The following SPAG16 variants were observed in gnomAD, a reference collection of about 807,000 sequenced individuals.
SPAG16 encodes sperm-associated antigen 16 protein.
In SPAG16, 86 loss-of-function variants were observed where a neutral mutation model predicts 80.4. That is an observed-to-expected ratio of 1.07 (90% CI 0.90 to 1.28). The LOEUF (loss-of-function observed/expected upper bound fraction) is 1.28. SPAG16 is among the 50% of genes most tolerant of loss of function. The pLI, the probability that SPAG16 is intolerant of heterozygous loss-of-function variation, is 0.00. For synonymous variants in SPAG16, 294 were observed against 265.9 expected (o/e 1.11, Z -1.03); for missense variants, 870 against 765.3 (o/e 1.14, Z -1.61).
At chr2:214,250,757 T>TATATATAGAGAGAGAGAG (rs1475343777) in intron 15 of SPAG16, among the ~76,000 whole-genome samples, 1 of 91,286 alleles carries the variant, frequency 1.1e-5, no homozygotes, top group African/African-American at 4.1e-5. Context: ...TATATATATA[T>TATATATAGAGAGAGAGAG]AGAGAGAGAG....
At chr2:213,488,762 G>A (rs947586488) in intron 9 of SPAG16, among the ~76,000 whole-genome samples, 2 of 152,036 alleles carry the variant, frequency 1.3e-5, no homozygotes, top group Non-Finnish European at 2.9e-5. Context: ...ATACGAATAT[G>A]TACTACTTTG....
intron 12 of SPAG16, among the ~76,000 whole-genome samples, chr2:213,950,698 CTTTCTTTT>C (rs1331080255): frequency 3.8e-5 from 2 of 52,408 alleles, no homozygotes; most frequent in African/African-American, 1.3e-4. Context: ...TTTCTTTTTT[CTTTCTTTT>C]TTTTTTTTTT....
chr2:213,773,845 C>A (rs2069408179), intron 10 of SPAG16, among the ~76,000 whole-genome samples: 1 of 152,166 alleles, frequency 6.6e-6, no homozygotes, highest in Non-Finnish European at 1.5e-5. Flanking sequence ...AGCCACCAAG[C>A]CTGGCCTAAT....
intron 15 of SPAG16, among the ~76,000 whole-genome samples, chr2:214,172,429 C>T (rs911665621): frequency 3.9e-5 from 6 of 152,080 alleles, no homozygotes; most frequent in African/African-American, 1.4e-4. Flanking sequence ...ATGAACTCAT[C>T]ACGTTTTATG....
intron 10 of SPAG16, among the ~76,000 whole-genome samples, chr2:213,647,055 A>G (rs1012755727): frequency 6.6e-6 from 1 of 152,228 alleles, no homozygotes; most frequent in Non-Finnish European, 1.5e-5. Flanking sequence ...TATGAAAAGA[A>G]AAGAAATGGA....
chr2:214,223,408 C>T (rs928007825), intron 15 of SPAG16, among the ~76,000 whole-genome samples: 4 of 151,544 alleles, frequency 2.6e-5, no homozygotes, highest in East Asian at 1.9e-4. Flanking sequence ...TTTCTGAATA[C>T]GTATAGCATA....
chr2:214,114,157 C>T (rs2053816847), intron 14 of SPAG16, among the ~76,000 whole-genome samples: 1 of 152,166 alleles, frequency 6.6e-6, no homozygotes, highest in Admixed American at 6.5e-5. Context: ...CCAGCAGAGG[C>T]TGCAGAACAG....
chr2:213,690,588 A>T (rs1439965426), intron 10 of SPAG16, among the ~76,000 whole-genome samples: 1 of 152,178 alleles, frequency 6.6e-6, no homozygotes, highest in Non-Finnish European at 1.5e-5. Flanking sequence ...CTGATATTTG[A>T]GTTAGTAGAC....
chr2:214,389,948 T>C (rs1402073504), intron 15 of SPAG16, among the ~76,000 whole-genome samples: 2 of 152,144 alleles, frequency 1.3e-5, no homozygotes, highest in African/African-American at 4.8e-5. Flanking sequence ...GCCTATTTTT[T>C]GTTGGAGTGC....
At chr2:213,764,006 T>C (rs1037436106) in intron 10 of SPAG16, among the ~76,000 whole-genome samples, 1 of 152,234 alleles carries the variant, frequency 6.6e-6, no homozygotes, top group Non-Finnish European at 1.5e-5. Flanking sequence ...TGTGGATTCA[T>C]TTCCATAGCT....
At chr2:213,758,227 A>G (rs1342436738) in intron 10 of SPAG16, 1 of 153,208 alleles carries the variant, frequency 6.5e-6, no homozygotes, top group Non-Finnish European at 1.5e-5. Context: ...AAGCAAAATC[A>G]TTGACTGAAG....
At position 214,274,155 on chromosome 2, in the gene SPAG16, A is replaced by T. The variant is rs138631441; in HGVS notation, c.1720+124889A>T. On this transcript the variant is annotated intron_variant, in intron 15 of 15. Coordinates refer to ENST00000331683, the MANE Select transcript of SPAG16 (RefSeq NM_024532.5). Reference sequence around the variant, plus strand: ...CTTTACACATTGATTTTGTATCCTGAGACTTTGCTGAAGTTGCTTCTCAGC... The same window carrying T: ...CTTTACACATTGATTTTGTATCCTGTGACTTTGCTGAAGTTGCTTCTCAGC... 2.2e-3 allele frequency among the ~76,000 whole-genome samples: 333 copies of T among 152,322 alleles called. 2 individuals are homozygous for T. Among genetic ancestry groups the T allele is most frequent in the African/African-American group, 7.6e-3 (315 of 41,552 alleles).
chr2:214,221,607 T>A (rs1324191452), intron 15 of SPAG16, among the ~76,000 whole-genome samples: 1 of 152,298 alleles, frequency 6.6e-6, no homozygotes, highest in Non-Finnish European at 1.5e-5. Context: ...AGTAAATATT[T>A]GTTTTTTTGA....
chr2:213,552,472 A>C (rs1443859423), intron 10 of SPAG16, among the ~76,000 whole-genome samples: 1 of 151,142 alleles, frequency 6.6e-6, no homozygotes, highest in Non-Finnish European at 1.5e-5. Flanking sequence ...TATTTTCTCA[A>C]CTCTAGTTTT....
At chr2:213,311,410 C>G (rs754134556) in intron 4 of SPAG16, among the ~76,000 whole-genome samples, 2 of 151,530 alleles carry the variant, frequency 1.3e-5, no homozygotes, top group Non-Finnish European at 3.0e-5. Context: ...TTAGGCCAGT[C>G]CAAAGTGTAA....
intron 10 of SPAG16, among the ~76,000 whole-genome samples, chr2:213,495,611 AAC>A (rs1385892163): frequency 6.6e-6 from 1 of 152,242 alleles, no homozygotes; most frequent in Admixed American, 6.5e-5. Flanking sequence ...GCCAATAGTG[AAC>A]ACATGCTGTA....
At chr2:213,663,924 C>G (rs1438242449) in intron 10 of SPAG16, among the ~76,000 whole-genome samples, 4 of 152,036 alleles carry the variant, frequency 2.6e-5, no homozygotes, top group Non-Finnish European at 5.9e-5. Flanking sequence ...ATTGTCACTG[C>G]AATAAATTAG....
intron 13 of SPAG16, among the ~76,000 whole-genome samples, chr2:214,041,493 G>A (rs982841648): frequency 1.3e-5 from 2 of 150,106 alleles, no homozygotes; most frequent in Non-Finnish European, 3.0e-5. Flanking sequence ...GTCCTATGTA[G>A]TCAGTGTGAA....
In SPAG16 at chr2:214,187,341, T is replaced by C. The variant is rs534264275; in HGVS notation, c.1720+38075T>C. On this transcript the variant is annotated intron_variant, in intron 15 of 15. Coordinates refer to ENST00000331683, the MANE Select transcript of SPAG16 (RefSeq NM_024532.5). ...TAGGTGAGAGGTACTATGCTATGTG[T>C]TACCTAGCAATATTTTATATGGGCA... Among the ~76,000 whole-genome samples, 33 of 152,262 alleles carry C rather than the reference T, an allele frequency of 2.2e-4. No homozygotes were observed. The East Asian group carries it at 4.6e-3, about 21-fold the overall frequency.
Sources: allele counts gnomAD v4.1 joint callset (sites outside exome capture counted in the v4.1 genomes callset), GRCh38; gene constraint gnomAD v4.1.1; transcripts MANE v1.5; gene names NCBI Gene and HGNC (gene_info 2026-07-23, HGNC 2026-07-21).